The following IGF1R variants were observed in gnomAD, a reference collection of about 807,000 sequenced individuals.
The protein encoded by IGF1R is insulin-like growth factor 1 receptor.
In IGF1R, 44 loss-of-function variants were observed where a neutral mutation model predicts 144.6. The ratio of observed to expected loss-of-function variants is 0.30; its 90% CI spans 0.24 to 0.39. The LOEUF is 0.39. Ranked by LOEUF, IGF1R falls within the 10% of genes least tolerant of loss-of-function variation. IGF1R has a pLI of 1.00. For synonymous variants in IGF1R, 795 were observed against 722.8 expected (o/e 1.10, Z -1.60); for missense variants, 1,355 against 1,833.7 (o/e 0.74, Z 4.77).
At chr15:98,849,654 C>A (rs2011466602) in intron 2 of IGF1R, among the ~76,000 whole-genome samples, 2 of 152,134 alleles carry the variant, frequency 1.3e-5, no homozygotes, top group African/African-American at 4.8e-5. Flanking sequence ...AAACTTCTAT[C>A]ACAAAGAGCT....
chr15:98,758,229 A>G (rs975181475), intron 2 of IGF1R, among the ~76,000 whole-genome samples: 2 of 151,140 alleles, frequency 1.3e-5, no homozygotes, highest in African/African-American at 2.4e-5. Context: ...TTAATTCCTG[A>G]AAGTTTTTAT....
At chr15:98,827,767 G>C (rs2056921776) in intron 2 of IGF1R, among the ~76,000 whole-genome samples, 1 of 152,094 alleles carries the variant, frequency 6.6e-6, no homozygotes, top group African/African-American at 2.4e-5. Context: ...ATTTTTAGTA[G>C]AGATGGGGTT....
intron 2 of IGF1R, among the ~76,000 whole-genome samples, chr15:98,868,940 C>T (rs904977279): frequency 6.6e-6 from 1 of 152,146 alleles, no homozygotes; most frequent in Non-Finnish European, 1.5e-5. Flanking sequence ...TGCCCAGAAG[C>T]AAGTGTTACC....
At chr15:98,672,635 A>G (rs1333808244) in intron 1 of IGF1R, among the ~76,000 whole-genome samples, 1 of 152,062 alleles carries the variant, frequency 6.6e-6, no homozygotes, top group East Asian at 1.9e-4. Flanking sequence ...CTTCCATGCT[A>G]AACGTTGTAT....
At chr15:98,678,059 T>A (rs996259464) in intron 1 of IGF1R, among the ~76,000 whole-genome samples, 2 of 152,244 alleles carry the variant, frequency 1.3e-5, no homozygotes, top group East Asian at 3.9e-4. Context: ...AAGAATTGCC[T>A]GTCTTGTTTT....
chr15:98,858,246 T>C (rs1596366103), intron 2 of IGF1R, among the ~76,000 whole-genome samples: 2 of 152,348 alleles, frequency 1.3e-5, no homozygotes, highest in Admixed American at 1.3e-4. Flanking sequence ...TTTAGTTGAG[T>C]TGATTTTTAT....
chr15:98,913,296 G>C lies in IGF1R; in HGVS notation c.1828+14G>C, dbSNP rs1388782322. 5.6e-6 allele frequency: 9 copies of C among 1,597,992 alleles called. No individual in the cohort carries two copies. The highest frequency in any genetic ancestry group is 6.9e-6 in the Non-Finnish European group (8 of 1,165,486). On this transcript the variant is annotated intron_variant, in intron 8 of 20. Transcript: ENST00000650285. ...CCAATGCTTCAGGTATCCATGCCTA[G>C]ACAAGCCCCCAGCATCCACACTTCT...
At position 98,707,590 on chromosome 15, in the gene IGF1R, C is replaced by T. The variant is rs142940594; in HGVS notation, c.123C>T (p.Asn41=). ...EICGPGIDIR[N]DYQQLKRLEN... Reference sequence around the variant, plus strand: ...GCGGGCCAGGCATCGACATCCGCAACGACTATCAGCAGCTGAAGCGCCTGG... The same window carrying T: ...GCGGGCCAGGCATCGACATCCGCAATGACTATCAGCAGCTGAAGCGCCTGG... Residue 41 remains asparagine (N), a synonymous_variant, in exon 2 of 21, where the codon AAC becomes AAT. Transcript: ENST00000650285. This position sits in a 1 kb window ranked among gnomAD's most constrained non-coding sequence, Gnocchi z 6.7. The T allele has an allele frequency of 1.5e-5, 25 of 1,614,122 alleles. No homozygotes were observed. Among genetic ancestry groups the T allele is most frequent in the African/African-American group, 4.0e-5 (3 of 74,934 alleles).
intron 8 of IGF1R, 118 bp from the exon 9 acceptor site, chr15:98,915,846 A>G (rs2015220013): frequency 1.1e-6 from 1 of 897,462 alleles, no homozygotes; most frequent in Non-Finnish European, 1.9e-6. Context: ...TTCATTGTTC[A>G]TTGTTATTTT....
chr15:98,667,716 G>A (rs1287129013), intron 1 of IGF1R, among the ~76,000 whole-genome samples: 1 of 152,160 alleles, frequency 6.6e-6, no homozygotes, highest in Non-Finnish European at 1.5e-5. Context: ...CCCGCCCGGG[G>A]GAGTGGCTCA....
chr15:98,818,851 G>A (rs1355260838), intron 2 of IGF1R, among the ~76,000 whole-genome samples: 2 of 150,968 alleles, frequency 1.3e-5, no homozygotes, highest in African/African-American at 4.9e-5. Context: ...GAGAACCACT[G>A]GACCAGAGTC....
At chr15:98,787,713 G>A (rs1232767831) in intron 2 of IGF1R, among the ~76,000 whole-genome samples, 2 of 152,184 alleles carry the variant, frequency 1.3e-5, no homozygotes, top group East Asian at 3.9e-4. Context: ...CACATTGGAA[G>A]TACTTTGCAG....
chr15:98,896,480 C>T (rs1451771964), intron 3 of IGF1R, among the ~76,000 whole-genome samples: 1 of 152,156 alleles, frequency 6.6e-6, no homozygotes, highest in Admixed American at 6.5e-5. Context: ...CAGCCTATGA[C>T]ACACAAATGC....
chr15:98,804,228 T>TA (rs1267133303), intron 2 of IGF1R, among the ~76,000 whole-genome samples: 2 of 152,244 alleles, frequency 1.3e-5, no homozygotes, highest in Non-Finnish European at 2.9e-5. Flanking sequence ...GCCTGTTTCA[T>TA]ATATTTATTA....
intron 20 of IGF1R, among the ~76,000 whole-genome samples, chr15:98,956,744 C>T (rs976828180): frequency 6.6e-6 from 1 of 152,204 alleles, no homozygotes; most frequent in Admixed American, 6.5e-5. Flanking sequence ...TTAGCACTGC[C>T]ACCATAGATA....
At chr15:98,933,902 G>T (rs1428350553) in intron 15 of IGF1R, among the ~76,000 whole-genome samples, 1 of 152,194 alleles carries the variant, frequency 6.6e-6, no homozygotes, top group East Asian at 1.9e-4. Flanking sequence ...AGCCAAGGCT[G>T]GGGGACACTT....
At chr15:98,706,225 T>C (rs2053858140) in intron 1 of IGF1R, among the ~76,000 whole-genome samples, 1 of 152,262 alleles carries the variant, frequency 6.6e-6, no homozygotes, top group Admixed American at 6.5e-5. Flanking sequence ...CACTGCCTGT[T>C]GGCATTTCTC....
chr15:98,785,732 G>A (rs1380936344), intron 2 of IGF1R, among the ~76,000 whole-genome samples: 1 of 152,114 alleles, frequency 6.6e-6, no homozygotes, highest in Non-Finnish European at 1.5e-5. Context: ...ATATTCTCTA[G>A]CCTGTATTAT....
intron 2 of IGF1R, among the ~76,000 whole-genome samples, chr15:98,782,728 A>G (rs1372738481): frequency 6.6e-6 from 1 of 152,222 alleles, no homozygotes; most frequent in Non-Finnish European, 1.5e-5. Context: ...TTGGGTATGC[A>G]TTCTTTTAGT....
Sources: allele counts gnomAD v4.1 joint callset (sites outside exome capture counted in the v4.1 genomes callset), GRCh38; gene constraint gnomAD v4.1.1; non-coding constraint Gnocchi (gnomAD v3.1); transcripts MANE v1.5; gene names NCBI Gene and HGNC (gene_info 2026-07-23, HGNC 2026-07-21).